The following MTMR3 variants were observed in gnomAD, a reference collection of about 807,000 sequenced individuals.
The protein encoded by MTMR3 is phosphatidylinositol-3,5-bisphosphate 3-phosphatase MTMR3.
MTMR3 carries 32 observed loss-of-function variants against 132.4 expected under a neutral mutation model. That is an observed-to-expected ratio of 0.24 (90% CI 0.18 to 0.32). MTMR3 has a LOEUF of 0.32. MTMR3 is among the 10% of genes least tolerant of loss of function. The probability of loss-of-function intolerance (pLI) is 1.00; values close to 1 mark genes in which losing one functional copy is unlikely to be tolerated. For missense variants in MTMR3, 1,216 were observed against 1,489.6 expected, an observed-to-expected ratio of 0.82 and a Z score of 3.02; for synonymous variants, 556 against 550.3, an observed-to-expected ratio of 1.01 and a Z score of -0.14.
intron 19 of MTMR3, chr22:30,023,042 C>A (rs571149017): frequency 3.0e-5 from 12 of 394,158 alleles, no homozygotes; most frequent in Non-Finnish European, 5.6e-5. Context: ...AGTTTTCCTG[C>A]GATGGGGAGG....
intron 1 of MTMR3, among the ~76,000 whole-genome samples, chr22:29,898,986 TAA>T (rs1384320737): frequency 6.6e-6 from 1 of 151,694 alleles, no homozygotes; most frequent in Non-Finnish European, 1.5e-5. Flanking sequence ...GAGTCACTGA[TAA>T]AGACAGTAGT....
At chr22:29,895,980 T>G (rs1172886126) in intron 1 of MTMR3, among the ~76,000 whole-genome samples, 1 of 152,158 alleles carries the variant, frequency 6.6e-6, no homozygotes, top group African/African-American at 2.4e-5. Flanking sequence ...TTTTTAAAAT[T>G]TTCGGTCAGC....
intron 16 of MTMR3, chr22:30,018,957 A>T (rs984075008): frequency 6.6e-6 from 1 of 152,444 alleles, no homozygotes; most frequent in Non-Finnish European, 1.5e-5. Flanking sequence ...TAATCCCAGC[A>T]CTTTGGGAGG....
chr22:30,008,484 T>C (rs933474531), intron 11 of MTMR3: 2 of 165,408 alleles, frequency 1.2e-5, no homozygotes, highest in Non-Finnish European at 2.6e-5. Context: ...TAGTAAGGTA[T>C]CTCTGTCCTG....
At chr22:30,019,261 T>C in intron 16 of MTMR3, 1 of 529,916 alleles carries the variant, frequency 1.9e-6, no homozygotes, top group Non-Finnish European at 3.3e-6. Flanking sequence ...GTATGGGGCA[T>C]GGGGTTGGGG....
At chr22:29,962,166 A>G (rs2066324640) in intron 2 of MTMR3, among the ~76,000 whole-genome samples, 1 of 152,264 alleles carries the variant, frequency 6.6e-6, no homozygotes, top group African/African-American at 2.4e-5. Context: ...CTATATTTAC[A>G]TGTAGATGAA....
chr22:29,988,653 T>G, intron 6 of MTMR3, 91 bp downstream of exon 6: 2 of 856,670 alleles, frequency 2.3e-6, no homozygotes, highest in Non-Finnish European at 3.5e-6. Context: ...GTAAAATACC[T>G]TTTGATGATT....
Position 29,933,799 on chromosome 22 carries a change from G to A in MTMR3, c.-137-23237G>A, listed in dbSNP as rs538719679. On this transcript the variant is annotated intron_variant, in intron 1 of 19. Transcript: ENST00000401950. ...TTGCCCAGTCTAGACTTGTACTCCT[G>A]GACTCAAGCCATCCTTCTGCCCCAG... 1.3e-3 allele frequency among the ~76,000 whole-genome samples: 192 copies of A among 147,834 alleles called. 1 individual carries two copies. Among genetic ancestry groups the A allele is most frequent in the African/African-American group, 4.8e-3 (190 of 39,892 alleles).
intron 2 of MTMR3, among the ~76,000 whole-genome samples, chr22:29,958,583 A>C (rs993262432): frequency 1.3e-5 from 2 of 152,178 alleles, no homozygotes; most frequent in Non-Finnish European, 2.9e-5. Context: ...CAGTGGCTCA[A>C]AATTTGGCTG....
intron 3 of MTMR3, among the ~76,000 whole-genome samples, chr22:29,973,419 T>G (rs2066573536): frequency 3.3e-5 from 5 of 152,212 alleles, no homozygotes; most frequent in Admixed American, 2.6e-4. Context: ...CTTTTGGCAA[T>G]AATCCCAAGC....
At chr22:29,964,514 G>C (rs987103710) in intron 2 of MTMR3, among the ~76,000 whole-genome samples, 4 of 152,138 alleles carry the variant, frequency 2.6e-5, no homozygotes, top group African/African-American at 9.7e-5. Context: ...GATACTTAAA[G>C]CAGCACCTCT....
In MTMR3 at chr22:30,025,667, C is replaced by G. The variant is rs1189760353; in HGVS notation, c.3463C>G (p.Gln1155Glu). 6.2e-7 allele frequency: 1 copy of G among 1,614,090 alleles called. No homozygotes were observed. Among genetic ancestry groups the G allele is most frequent in the Non-Finnish European group, 8.5e-7 (1 of 1,180,044 alleles). The change falls in exon 20 of 20, where the codon CAG (glutamine) becomes GAG (glutamate). Residue 1155 changes from glutamine (Q) to glutamate (E), a missense_variant. By Grantham distance (29) the Gln-to-Glu change is conservative (BLOSUM62 2). Coordinates refer to ENST00000401950, the MANE Select transcript of MTMR3 (RefSeq NM_021090.4). ...CGTATTCTGCTCCAGTTGTTGTAACCAGAAGGTTCCAGTTCCCAGCCAGCA... is the reference window on the plus strand; with the variant it reads ...CGTATTCTGCTCCAGTTGTTGTAACGAGAAGGTTCCAGTTCCCAGCCAGCA... ...GNVFCSSCCN[Q>E]KVPVPSQQLF... is the part of the protein sequence containing the mutation.
chr22:29,909,749 TAATA>T (rs2145743964), intron 1 of MTMR3, among the ~76,000 whole-genome samples: 1 of 152,334 alleles, frequency 6.6e-6, no homozygotes, highest in East Asian at 1.9e-4. Flanking sequence ...TATTAAGGAA[TAATA>T]AATATCACCA....
At chr22:29,912,799 G>A (rs2065239093) in intron 1 of MTMR3, among the ~76,000 whole-genome samples, 1 of 152,198 alleles carries the variant, frequency 6.6e-6, no homozygotes, top group Non-Finnish European at 1.5e-5. Context: ...TTGACCATTG[G>A]CCAAGATTGT....
chr22:29,974,360 C>T (rs564849411), intron 3 of MTMR3, among the ~76,000 whole-genome samples: 1 of 152,232 alleles, frequency 6.6e-6, no homozygotes. Context: ...TCACCAGTCC[C>T]CTAGATTCAA....
intron 2 of MTMR3, among the ~76,000 whole-genome samples, chr22:29,967,982 T>G (rs1003814895): frequency 1.3e-5 from 2 of 152,224 alleles, no homozygotes; most frequent in African/African-American, 4.8e-5. Context: ...ATTTTGTTTG[T>G]CCATTCATTG....
At chr22:30,023,250 ACTGT>A (rs2067812710) in intron 19 of MTMR3, 3 of 602,582 alleles carry the variant, frequency 5.0e-6, no homozygotes, top group Admixed American at 2.8e-5. Context: ...TAGGGTGTTG[ACTGT>A]CTGGTGGATG....
At chr22:29,928,966 A>G (rs374113528) in intron 1 of MTMR3, among the ~76,000 whole-genome samples, 3 of 152,160 alleles carry the variant, frequency 2.0e-5, no homozygotes. Context: ...CAGTTTTACC[A>G]TTATCAAAAG....
intron 1 of MTMR3, among the ~76,000 whole-genome samples, chr22:29,891,974 G>A (rs1756091402): frequency 6.6e-6 from 1 of 151,926 alleles, no homozygotes; most frequent in Non-Finnish European, 1.5e-5. Context: ...CTAACACCGT[G>A]AAACCCGCCT....
Sources: allele counts gnomAD v4.1 joint callset (sites outside exome capture counted in the v4.1 genomes callset), GRCh38; gene constraint gnomAD v4.1.1; transcripts MANE v1.5; gene names NCBI Gene and HGNC (gene_info 2026-07-23, HGNC 2026-07-21).